The following SYTL5 variants were observed in gnomAD, a reference collection of about 807,000 sequenced individuals.
SYTL5 encodes synaptotagmin like 5.
In SYTL5, 34 loss-of-function variants were observed where a neutral mutation model predicts 55.9. The ratio of observed to expected loss-of-function variants is 0.61; its 90% CI spans 0.46 to 0.81. SYTL5 has a LOEUF of 0.81. Ranked by LOEUF, SYTL5 falls within the 30% of genes least tolerant of loss-of-function variation. SYTL5 has a pLI of 0.00. For synonymous variants in SYTL5, 221 were observed against 188.7 expected (o/e 1.17, Z -1.40); for missense variants, 637 against 546.7 (o/e 1.17, Z -1.65).
At chrX:38,126,334 C>T (rs992746271) in intron 16 of SYTL5, among the ~76,000 whole-genome samples, 10 of 112,432 alleles carry the variant, frequency 8.9e-5, no homozygotes, top group African/African-American at 2.9e-4. Context: ...TGAACCAGCT[C>T]TCTGCTAAAG....
At chrX:38,069,259 A>G (rs1936189608) in intron 3 of SYTL5, among the ~76,000 whole-genome samples, 2 of 112,569 alleles carry the variant, frequency 1.8e-5, no homozygotes, top group Non-Finnish European at 3.8e-5. Flanking sequence ...ACAGCTTAGC[A>G]GTTTAAAACA....
the SYTL5 span, among the ~76,000 whole-genome samples, chrX:37,904,014 T>A: frequency 9.0e-6 from 1 of 111,576 alleles, no homozygotes; most frequent in Non-Finnish European, 1.9e-5. Context: ...CCTTATCCAT[T>A]TCTATAAACC....
At chrX:37,960,138 C>T in the SYTL5 span, among the ~76,000 whole-genome samples, 1 of 111,215 alleles carries the variant, frequency 9.0e-6, no homozygotes, top group Admixed American at 9.6e-5. Context: ...GAGCTCTGAG[C>T]CTGTAATGGG....
At chrX:37,895,459 T>TCCCA in the SYTL5 span, among the ~76,000 whole-genome samples, 1 of 86,139 alleles carries the variant, frequency 1.2e-5, no homozygotes, top group African/African-American at 5.8e-5. Context: ...CTTCCTTCCC[T>TCCCA]CCCTCCCTCC....
chrX:37,960,691 C>T, the SYTL5 span, among the ~76,000 whole-genome samples: 1 of 111,069 alleles, frequency 9.0e-6, no homozygotes, highest in Non-Finnish European at 1.9e-5. Context: ...TCTGAGCCCT[C>T]ACCAGAGTCA....
chrX:37,952,573 G>A, the SYTL5 span, among the ~76,000 whole-genome samples: 1 of 111,099 alleles, frequency 9.0e-6, no homozygotes, highest in African/African-American at 3.3e-5. Flanking sequence ...GGTAACTGGG[G>A]TAAGGAGAGG....
chrX:38,093,352 GT>G (rs1252093278), intron 7 of SYTL5, among the ~76,000 whole-genome samples: 1 of 112,007 alleles, frequency 8.9e-6, no homozygotes, highest in Non-Finnish European at 1.9e-5. Flanking sequence ...CTTTTTGATT[GT>G]TTACAGAAGG....
At chrX:38,096,542 C>A (rs971647065) in intron 9 of SYTL5, among the ~76,000 whole-genome samples, 2 of 110,853 alleles carry the variant, frequency 1.8e-5, no homozygotes, top group Non-Finnish European at 3.8e-5. Context: ...TTTTCCTTAG[C>A]CAAATATTAT....
At chrX:37,935,778 G>T in the SYTL5 span, among the ~76,000 whole-genome samples, 2 of 112,162 alleles carry the variant, frequency 1.8e-5, no homozygotes, top group South Asian at 7.3e-4. Flanking sequence ...GAATTAAAAG[G>T]TACACCAGAA....
In SYTL5 at chrX:38,033,837, T is replaced by G. The variant is rs1935029176; in HGVS notation, c.-53T>G. 4.4e-6 allele frequency: 3 copies of G among 687,658 alleles called. No individual in the cohort carries two copies. In the Admixed American group the frequency reaches 8.0e-5, roughly 18 times the overall value. The allele number at this position is 687,658 out of a possible 1,213,427, so 56.7% of individuals were successfully genotyped here. A position where few individuals can be genotyped will look rare whatever the true frequency, so the allele number is the denominator to read the frequency against. ...GGGGAATCTTAGTTGTAGATATCAA[T>G]TCACCTTCTTGAAGATTCAACCACT... is the stretch of plus-strand genomic sequence containing the variant. On this transcript the variant is annotated 5_prime_UTR_variant, in exon 2 of 17. Coordinates refer to ENST00000297875, the MANE Select transcript of SYTL5 (RefSeq NM_138780.3).
the SYTL5 span, among the ~76,000 whole-genome samples, chrX:37,934,424 G>A: frequency 2.8e-5 from 3 of 107,127 alleles, no homozygotes; most frequent in East Asian, 6.0e-4. Context: ...ACTTTCAGTC[G>A]AGGTGTTCAA....
chrX:37,971,759 T>C, the SYTL5 span, among the ~76,000 whole-genome samples: 1 of 110,830 alleles, frequency 9.0e-6, no homozygotes, highest in African/African-American at 3.3e-5. Flanking sequence ...ATAAAACCTA[T>C]GGAGCGCCCA....
Position 38,110,324 on chromosome X carries a change from A to C in SYTL5, c.1438A>C (p.Thr480Pro). 2.5e-6 allele frequency: 3 copies of C among 1,198,690 alleles called. No individual in the cohort carries two copies. Among genetic ancestry groups the C allele is most frequent in the Non-Finnish European group, 3.4e-6 (3 of 888,510 alleles). The change falls in exon 13 of 17, where the codon ACT (threonine) becomes CCT (proline). Residue 480 changes from threonine (T) to proline (P), a missense_variant. By Grantham distance (38) the Thr-to-Pro change is conservative (BLOSUM62 -1). Transcript: ENST00000297875. The stretch of plus-strand genomic sequence containing the variant: ...ATGTTGTAAATCTCATTCGCAGTAC[A>C]CTATCAGCCATACCCAGCTGGAAAC... The part of the protein sequence containing the change: ...NPEFNETLKY[T>P]ISHTQLETRT...
the SYTL5 span, among the ~76,000 whole-genome samples, chrX:37,933,974 A>C: frequency 1.8e-5 from 2 of 111,315 alleles, no homozygotes; most frequent in African/African-American, 6.5e-5. Flanking sequence ...ATGTAAGGAA[A>C]TCTCAATCTA....
At chrX:37,935,246 A>G in the SYTL5 span, among the ~76,000 whole-genome samples, 2 of 112,027 alleles carry the variant, frequency 1.8e-5, no homozygotes, top group Non-Finnish European at 3.8e-5. Context: ...TTCTATATCT[A>G]TCAAAACTAT....
chrX:37,934,754 C>T, the SYTL5 span, among the ~76,000 whole-genome samples: 27 of 109,211 alleles, frequency 2.5e-4, no homozygotes, highest in African/African-American at 7.4e-4. Flanking sequence ...CTGCCTCAAC[C>T]TCCCAAGTTG....
At chrX:37,959,593 ACT>A in the SYTL5 span, among the ~76,000 whole-genome samples, 1 of 111,110 alleles carries the variant, frequency 9.0e-6, no homozygotes, top group African/African-American at 3.3e-5. Context: ...AATGAGGAAG[ACT>A]CTGTTGTCCC....
intron 13 of SYTL5, among the ~76,000 whole-genome samples, chrX:38,115,436 A>T (rs994403033): frequency 1.2e-5 from 1 of 86,632 alleles, no homozygotes; most frequent in Admixed American, 1.3e-4. Flanking sequence ...GTGAGCCGAG[A>T]TCGCGCCACT....
chrX:37,892,734 G>A, the SYTL5 span, among the ~76,000 whole-genome samples: 4,035 of 68,955 alleles, frequency 0.059, 621 homozygotes, highest in African/African-American at 0.35. Context: ...GTATATATAC[G>A]TATATTAGTA....
Sources: allele counts gnomAD v4.1 joint callset (sites outside exome capture counted in the v4.1 genomes callset), GRCh38; gene constraint gnomAD v4.1.1; transcripts MANE v1.5; gene names NCBI Gene and HGNC (gene_info 2026-07-23, HGNC 2026-07-21).